The following AQP7B variants were observed in gnomAD, a reference collection of about 807,000 sequenced individuals.
AQP7B encodes putative aquaporin-7B.
the AQP7B span, among the ~76,000 whole-genome samples, chr2:94,591,946 T>G: frequency 6.6e-6 from 1 of 152,064 alleles, no homozygotes; most frequent in Non-Finnish European, 1.5e-5. Flanking sequence ...TTGATTGCTT[T>G]TCTTCCCACG....
At chr2:94,604,182 G>A in the AQP7B span, 11 of 1,206,986 alleles carry the variant, frequency 9.1e-6, no homozygotes, top group East Asian at 2.4e-5. Context: ...GTTTCCTGGG[G>A]TAGCCTGGGG....
At chr2:94,597,148 A>C in the AQP7B span, among the ~76,000 whole-genome samples, 4 of 150,830 alleles carry the variant, frequency 2.7e-5, no homozygotes, top group African/African-American at 9.8e-5. Flanking sequence ...GCCCTCCCCT[A>C]CTCCTCTCTT....
chr2:94,604,257 C>G, the AQP7B span: 4 of 1,565,562 alleles, frequency 2.6e-6, no homozygotes, highest in South Asian at 4.8e-5. Context: ...GGCATCAGCC[C>G]CCTCAGCAGG....
the AQP7B span, among the ~76,000 whole-genome samples, chr2:94,604,131 C>G: frequency 6.6e-6 from 1 of 152,146 alleles, no homozygotes; most frequent in African/African-American, 2.4e-5. Context: ...AACCCTGTCC[C>G]TGAATCGGGC....
the AQP7B span, among the ~76,000 whole-genome samples, chr2:94,591,811 T>C: frequency 6.6e-6 from 1 of 152,138 alleles, no homozygotes; most frequent in Non-Finnish European, 1.5e-5. Flanking sequence ...TTTCTTGACC[T>C]AAATTTCTCT....
chr2:94,602,661 C>T, the AQP7B span: 1 of 1,542,768 alleles, frequency 6.5e-7, no homozygotes, highest in Non-Finnish European at 8.9e-7. Flanking sequence ...CCAGGTGTCC[C>T]CAACAGGCTC....
the AQP7B span, chr2:94,604,495 C>A: frequency 6.8e-6 from 11 of 1,610,854 alleles, no homozygotes; most frequent in South Asian, 1.2e-4. Context: ...TCACCCTCAT[C>A]TCCGTGAGCC....
the AQP7B span, chr2:94,604,317 T>A: frequency 6.2e-7 from 1 of 1,609,126 alleles, no homozygotes; most frequent in Non-Finnish European, 8.5e-7. Context: ...TGGGTGCCAG[T>A]GGTGGCACCA....
the AQP7B span, among the ~76,000 whole-genome samples, chr2:94,593,272 C>T: frequency 6.7e-6 from 1 of 149,782 alleles, no homozygotes; most frequent in Non-Finnish European, 1.5e-5. Flanking sequence ...AGAAGGCTGG[C>T]GGGTAAAGGA....
At chr2:94,604,026 C>A in the AQP7B span, 1 of 793,080 alleles carries the variant, frequency 1.3e-6, no homozygotes, top group African/African-American at 1.7e-5. Context: ...ACAGGAGGGT[C>A]CTGCAGAGCC....
the AQP7B span, among the ~76,000 whole-genome samples, chr2:94,595,406 G>C: frequency 6.6e-6 from 1 of 151,924 alleles, no homozygotes; most frequent in Non-Finnish European, 1.5e-5. Flanking sequence ...TTGCACTCCA[G>C]CCTGGGTGAC....
chr2:94,590,445 C>T, the AQP7B span, among the ~76,000 whole-genome samples: 4 of 152,038 alleles, frequency 2.6e-5, no homozygotes, highest in African/African-American at 9.7e-5. Context: ...GCCTCGGCCT[C>T]CTAAAGTGTT....
At chr2:94,601,184 G>A in the AQP7B span, among the ~76,000 whole-genome samples, 1 of 152,252 alleles carries the variant, frequency 6.6e-6, no homozygotes, top group African/African-American at 2.4e-5. Context: ...TACAGGCTGT[G>A]TGACCTTGGA....
chr2:94,592,757 G>A, the AQP7B span, among the ~76,000 whole-genome samples: 4 of 146,000 alleles, frequency 2.7e-5, no homozygotes, highest in African/African-American at 1.0e-4. Context: ...GCACTGCAGT[G>A]AAGCAAACTG....
chr2:94,594,614 C>T, the AQP7B span: 2 of 641,188 alleles, frequency 3.1e-6, no homozygotes, highest in South Asian at 1.9e-5. Context: ...CCCAGCTGCC[C>T]CGGGCAAGAG....
chr2:94,603,120 G>T, the AQP7B span: 17 of 1,564,406 alleles, frequency 1.1e-5, no homozygotes, highest in Non-Finnish European at 1.4e-5. Flanking sequence ...CCATGTGCTG[G>T]GGCAGTTCCT....
chr2:94,588,977 T>C, the AQP7B span, among the ~76,000 whole-genome samples: 5 of 150,432 alleles, frequency 3.3e-5, no homozygotes, highest in African/African-American at 4.9e-5. Flanking sequence ...TTTTCTGTTT[T>C]TTTTTCTTTT....
chr2:94,589,243 A>G, the AQP7B span, among the ~76,000 whole-genome samples: 1 of 150,934 alleles, frequency 6.6e-6, no homozygotes, highest in African/African-American at 2.4e-5. Context: ...TCCTGACCTC[A>G]GGTGATCCAC....
chr2:94,589,314 C>G, the AQP7B span, among the ~76,000 whole-genome samples: 3 of 152,074 alleles, frequency 2.0e-5, no homozygotes, highest in African/African-American at 7.2e-5. Flanking sequence ...TGGCCTCACA[C>G]TGACTTTCTT....
Sources: allele counts gnomAD v4.1 joint callset (sites outside exome capture counted in the v4.1 genomes callset), GRCh38; gene constraint gnomAD v4.1.1; transcripts MANE v1.5; gene names NCBI Gene and HGNC (gene_info 2026-07-23, HGNC 2026-07-21).